Variants in CEACAM1 observed in about 807,000 individuals in gnomAD.
The protein encoded by CEACAM1 is CEA cell adhesion molecule 1, also known as cell adhesion molecule CEACAM1.
Under a neutral mutation model 49.1 loss-of-function variants are expected in CEACAM1, and 31 were observed. The observed-to-expected ratio is 0.63, with a 90% confidence interval of 0.47 to 0.85. CEACAM1 has a LOEUF of 0.85. Among genes scored for constraint, CEACAM1 ranks in the 40% least tolerant of loss-of-function variants. CEACAM1 has a pLI of 0.00. For synonymous variants in CEACAM1, 244 were observed against 247.8 expected (o/e 0.98, Z 0.14); for missense variants, 570 against 645.3 (o/e 0.88, Z 1.26).
chr19:42,527,439 T>C (rs770938664), intron 1 of CEACAM1, 39 bp from the exon 2 acceptor site: 1 of 1,543,254 alleles, frequency 6.5e-7, no homozygotes, highest in Non-Finnish European at 8.7e-7. Flanking sequence ...TATTGGGACC[T>C]ATGCATTAGG....
rs543289984 is a variant in CEACAM1, at chr19:42,507,753, G to T, written c.*1356C>A. On this transcript the variant is annotated 3_prime_UTR_variant, in exon 9 of 9. Coordinates refer to ENST00000161559, the MANE Select transcript of CEACAM1 (RefSeq NM_001712.5). ...CCTCACAGCCCCATTTCCCCAAGGGGCATTAGCACCAGTGCAGCTTTCTAG... is the reference window on the plus strand; with the variant it reads ...CCTCACAGCCCCATTTCCCCAAGGGTCATTAGCACCAGTGCAGCTTTCTAG... The T allele has an allele frequency of 3.9e-5, 6 of 152,278 alleles. No individual in the cohort carries two copies. The highest frequency in any genetic ancestry group is 8.8e-5 in the Non-Finnish European group (6 of 68,054). The allele number at this position is 152,278 out of a possible 1,614,324, so 9.4% of individuals were successfully genotyped here.
chr19:42,511,431 T>A (rs2041453532), intron 7 of CEACAM1, 145 bp downstream of exon 7: 1 of 710,782 alleles, frequency 1.4e-6, no homozygotes, highest in Admixed American at 2.3e-5. Flanking sequence ...TGGGAAGACC[T>A]ATGCCACCTT....
intron 4 of CEACAM1, among the ~76,000 whole-genome samples, chr19:42,519,816 G>A (rs866951603): frequency 2.6e-5 from 4 of 152,074 alleles, no homozygotes; most frequent in Admixed American, 6.5e-5. Flanking sequence ...TGATCCACCC[G>A]CCTCAGCCTC....
chr19:42,512,123 TC>T (rs1490189400), intron 6 of CEACAM1, among the ~76,000 whole-genome samples: 2 of 152,170 alleles, frequency 1.3e-5, no homozygotes, highest in African/African-American at 4.8e-5. Context: ...TTGAGTCTCT[TC>T]CTCTAGATTA....
intron 2 of CEACAM1, 125 bp from the exon 3 acceptor site, chr19:42,522,327 T>G (rs2041773441): frequency 3.4e-6 from 5 of 1,482,424 alleles, no homozygotes; most frequent in Non-Finnish European, 4.5e-6. Context: ...CAGGCTGGAG[T>G]GCAATGGCAC....
At chr19:42,511,066 C>A in intron 7 of CEACAM1, 146 bp from the exon 8 acceptor site, 1 of 724,942 alleles carries the variant, frequency 1.4e-6, no homozygotes, top group Non-Finnish European at 2.4e-6. Context: ...TGGTCCAGAC[C>A]CAGCATGTTA....
intron 2 of CEACAM1, 142 bp from the exon 3 acceptor site, chr19:42,522,344 G>A (rs2041774344): frequency 4.3e-6 from 6 of 1,401,370 alleles, no homozygotes; most frequent in African/African-American, 1.5e-5. Flanking sequence ...GCACGATCTC[G>A]GCTCACTGCA....
In CEACAM1 at chr19:42,507,867, G is replaced by C. The variant is rs1360723928; in HGVS notation, c.*1242C>G. Reference sequence around the variant, plus strand: ...CCAAATACACCTTAGCAGAGGCCAAGGTTTCCTGACAAAGTGAATGGGGGC... The same window carrying C: ...CCAAATACACCTTAGCAGAGGCCAACGTTTCCTGACAAAGTGAATGGGGGC... On this transcript the variant is annotated 3_prime_UTR_variant, in exon 9 of 9. Coordinates refer to ENST00000161559, the MANE Select transcript of CEACAM1 (RefSeq NM_001712.5). 1 of 152,234 alleles carries C rather than the reference G, an allele frequency of 6.6e-6. No individual in the cohort carries two copies. Among genetic ancestry groups the C allele is most frequent in the Non-Finnish European group, 1.5e-5 (1 of 68,060 alleles). The allele number at this position is 152,234 out of a possible 1,614,324, so 9.4% of individuals were successfully genotyped here. A position where few individuals can be genotyped will look rare whatever the true frequency, so the allele number is the denominator to read the frequency against.
rs1419845641 is a variant in CEACAM1 at position 42,511,635 on chromosome 19, A to G, written c.1377-7T>C. On this transcript the variant is annotated splice_region_variant and splice_polypyrimidine_tract_variant and intron_variant, in intron 6 of 8. Transcript: ENST00000161559. ...ATCACGCTGGTCGCTTGCCCTAAAT[A>G]AATATCAGAAACTGTGACTGCTATT... is the stretch of plus-strand genomic sequence containing the variant. 2 of 1,613,750 alleles carry G rather than the reference A, an allele frequency of 1.2e-6. No homozygotes were observed. Among genetic ancestry groups the G allele is most frequent in the South Asian group, 1.1e-5 (1 of 91,068 alleles).
intron 5 of CEACAM1, among the ~76,000 whole-genome samples, chr19:42,518,109 T>A (rs1437844511): frequency 2.6e-5 from 4 of 152,162 alleles, no homozygotes; most frequent in African/African-American, 9.7e-5. Context: ...CATGCTTCCA[T>A]CTGTATGAGA....
intron 4 of CEACAM1, 126 bp downstream of exon 4, chr19:42,521,141 G>T: frequency 1.0e-6 from 1 of 1,001,776 alleles, no homozygotes; most frequent in Non-Finnish European, 1.5e-6. Context: ...GGGTTCAGGG[G>T]AGAATTTGGA....
intron 2 of CEACAM1, among the ~76,000 whole-genome samples, chr19:42,523,771 A>T (rs2041819052): frequency 6.6e-6 from 1 of 152,226 alleles, no homozygotes; most frequent in Admixed American, 6.5e-5. Flanking sequence ...AATAAGAGGA[A>T]TATTCTCTAG....
At chr19:42,527,537 G>A in intron 1 of CEACAM1, 137 bp from the exon 2 acceptor site, 1 of 1,240,768 alleles carries the variant, frequency 8.1e-7, no homozygotes, top group Non-Finnish European at 1.1e-6. Flanking sequence ...GTGTGTGTGT[G>A]TGTGTGTGTG....
chr19:42,521,226 G>A (rs2147794429), intron 4 of CEACAM1, 41 bp downstream of exon 4: 1 of 1,601,304 alleles, frequency 6.2e-7, no homozygotes, highest in East Asian at 2.2e-5. Flanking sequence ...CAGAAAGCTT[G>A]TACCCCAGAT....
At chr19:42,527,578 C>G (rs917950948) in intron 1 of CEACAM1, among the ~76,000 whole-genome samples, 178 bp from the exon 2 acceptor site, 1 of 150,580 alleles carries the variant, frequency 6.6e-6, no homozygotes. Flanking sequence ...CAGTGTGACT[C>G]CCATTCCCTT....
In CEACAM1 at chr19:42,519,239, T is replaced by C. The variant is rs752937125; in HGVS notation, c.959-4A>G. ...TTTGCTACTACTGGACTTAGCTCTGTGGACAAGCAGAGTATCTGAGATAAC... is the reference window on the plus strand; with the variant it reads ...TTTGCTACTACTGGACTTAGCTCTGCGGACAAGCAGAGTATCTGAGATAAC... On this transcript the variant is annotated splice_polypyrimidine_tract_variant and splice_region_variant and intron_variant, in intron 4 of 8. Transcript: ENST00000161559. 21 of 1,613,708 alleles carry C rather than the reference T, an allele frequency of 1.3e-5. No homozygotes were observed. In the South Asian group the frequency reaches 2.2e-4, roughly 17 times the overall value.
Position 42,522,067 on chromosome 19 carries a change from A to G in CEACAM1, c.560T>C (p.Val187Ala), listed in dbSNP as rs758186401. 1 of 1,613,284 alleles carries G rather than the reference A, an allele frequency of 6.2e-7. No individual in the cohort carries two copies. The highest frequency in any genetic ancestry group is 1.1e-5 in the South Asian group (1 of 91,072). Residue 187 changes from valine (V) to alanine (A), a missense_variant, in exon 3 of 9, where the codon GTC becomes GCC. By Grantham distance (64) the Val-to-Ala change is moderately conservative. Coordinates refer to ENST00000161559, the MANE Select transcript of CEACAM1 (RefSeq NM_001712.5). ...ATTGGACAGCTGCAGCCTGGGACTG[A>G]CCGGGAGGCTCTGATTGTTTATCCA... ...LWWINNQSLP[V>A]SPRLQLSNGN... is the part of the protein sequence containing the mutation.
intron 2 of CEACAM1, 74 bp from the exon 3 acceptor site, chr19:42,522,276 T>C: frequency 6.4e-7 from 1 of 1,561,766 alleles, no homozygotes; most frequent in Non-Finnish European, 8.6e-7. Flanking sequence ...TCTTTTCTTA[T>C]TTATTTATTT....
At chr19:42,519,688 G>C (rs1348435418) in intron 4 of CEACAM1, among the ~76,000 whole-genome samples, 7 of 151,612 alleles carry the variant, frequency 4.6e-5, no homozygotes, top group African/African-American at 1.7e-4. Context: ...TCCTGCCTCA[G>C]CCTCCCGAGT....
Sources: gnomAD v4.1 joint callset for allele counts (sites outside exome capture counted in the v4.1 genomes callset) on GRCh38, gnomAD v4.1.1 for gene constraint, MANE v1.5 for transcripts, NCBI Gene and HGNC (gene_info 2026-07-23, HGNC 2026-07-21) for gene names.